LY9: variants seen among roughly 807,000 people sequenced by gnomAD.
LY9 encodes T-lymphocyte surface antigen Ly-9.
Under a neutral mutation model 64.6 loss-of-function variants are expected in LY9, and 59 were observed. The ratio of observed to expected loss-of-function variants is 0.91; its 90% confidence interval spans 0.74 to 1.13. The LOEUF is 1.13. LY9 is among the 50% of genes most tolerant of loss of function. LY9 has a pLI of 0.00. For missense variants in LY9, 789 were observed against 797.2 expected (o/e 0.99, Z 0.12); for synonymous variants, 281 against 308.5 (o/e 0.91, Z 0.93).
chr1:160,803,337 G>T (rs923194353), intron 2 of LY9, among the ~76,000 whole-genome samples: 1 of 152,012 alleles, frequency 6.6e-6, no homozygotes, highest in Non-Finnish European at 1.5e-5. Context: ...GAAGAATAAG[G>T]TTGGTATTTT....
intron 7 of LY9, 95 bp from the exon 8 acceptor site, chr1:160,823,370 T>G: frequency 2.3e-6 from 2 of 884,600 alleles, no homozygotes; most frequent in South Asian, 3.6e-5. Flanking sequence ...AGGCCTCATC[T>G]AATGCAGGCA....
At chr1:160,822,869 A>G (rs2779800) in intron 7 of LY9, among the ~76,000 whole-genome samples, 79,755 of 151,996 alleles carry the variant, frequency 0.52, 21,830 homozygotes, top group East Asian at 0.71. Context: ...TTTCGGAAAA[A>G]GAGACTGCTC....
At chr1:160,808,091 C>T (rs1667154686) in intron 2 of LY9, among the ~76,000 whole-genome samples, 1 of 152,150 alleles carries the variant, frequency 6.6e-6, no homozygotes, top group Non-Finnish European at 1.5e-5. Flanking sequence ...CTCTCAGCCT[C>T]AGTCCTAGGA....
At chr1:160,813,940 G>A in intron 3 of LY9, 29 bp downstream of exon 3, 1 of 1,598,808 alleles carries the variant, frequency 6.3e-7, no homozygotes, top group South Asian at 1.1e-5. Context: ...GCCCTTGAGG[G>A]AATTCCAGAA....
chr1:160,810,229 T>C (rs1397876938), intron 2 of LY9: 1 of 152,276 alleles, frequency 6.6e-6, no homozygotes, highest in Non-Finnish European at 1.5e-5. Context: ...TGTAACTCTC[T>C]ATTAATATTC....
intron 9 of LY9, among the ~76,000 whole-genome samples, chr1:160,827,005 C>A (rs2101845601): frequency 6.6e-6 from 1 of 152,298 alleles, no homozygotes; most frequent in Non-Finnish European, 1.5e-5. Context: ...CCCCTGAAAC[C>A]ACCTCACTTA....
chr1:160,804,919 CT>C (rs971027638), intron 2 of LY9, among the ~76,000 whole-genome samples: 2 of 151,924 alleles, frequency 1.3e-5, no homozygotes, highest in African/African-American at 2.4e-5. Context: ...GGATTTTGGT[CT>C]TTTGTATTCC....
intron 4 of LY9, 43 bp downstream of exon 4, chr1:160,814,804 G>A (rs753165546): frequency 2.6e-6 from 4 of 1,525,556 alleles, no homozygotes. Context: ...TTCCTTCTCT[G>A]AAAGCTTTCT....
intron 2 of LY9, among the ~76,000 whole-genome samples, chr1:160,807,932 T>C (rs1667134844): frequency 6.6e-6 from 1 of 152,028 alleles, no homozygotes; most frequent in Non-Finnish European, 1.5e-5. Context: ...AAACACCAGC[T>C]ATGGTATGTG....
chr1:160,813,854 C>T lies in LY9; in HGVS notation c.673C>T (p.Gln225Ter). The T allele has an allele frequency of 6.2e-7, 1 of 1,614,186 alleles. No individual in the cohort carries two copies. The highest frequency in any genetic ancestry group is 2.2e-5 in the East Asian group (1 of 44,886). ...DPDLPYICTA[Q>*]NPVSQRSSLP... is the part of the protein sequence containing the mutation. ...AGACCTGCCATACATCTGCACAGCC[C>T]AGAACCCCGTCAGCCAGAGAAGCTC... Residue 225 changes from glutamine (Q) to a stop codon, truncating the protein, a stop_gained, in exon 3 of 10, where the codon CAG becomes TAG. Transcript: ENST00000263285. LOFTEE classifies it high-confidence loss of function.
chr1:160,812,543 A>T (rs1667587515), intron 2 of LY9: 1 of 152,216 alleles, frequency 6.6e-6, no homozygotes, highest in Non-Finnish European at 1.5e-5. Context: ...TTGACAAATG[A>T]CGTACAATAA....
intron 4 of LY9, 86 bp downstream of exon 4, chr1:160,814,847 A>G (rs1022408744): frequency 2.7e-6 from 3 of 1,117,328 alleles, no homozygotes; most frequent in Non-Finnish European, 3.9e-6. Context: ...CCGCTTCTCC[A>G]AGGGTCTTCC....
At chr1:160,827,031 T>A (rs917653107) in intron 9 of LY9, among the ~76,000 whole-genome samples, 2 of 152,208 alleles carry the variant, frequency 1.3e-5, no homozygotes, top group Non-Finnish European at 2.9e-5. Flanking sequence ...TAAGTTGAAA[T>A]CATTGCATTT....
At chr1:160,821,519 T>C (rs1668448108) in intron 7 of LY9, among the ~76,000 whole-genome samples, 1 of 152,240 alleles carries the variant, frequency 6.6e-6, no homozygotes, top group South Asian at 2.1e-4. Flanking sequence ...TAACAGACAT[T>C]CTCATTCCTT....
At chr1:160,802,849 A>T (rs976222730) in intron 2 of LY9, 1 of 196,866 alleles carries the variant, frequency 5.1e-6, no homozygotes. Context: ...GTCTATTTTT[A>T]TAACACCATG....
intron 9 of LY9, among the ~76,000 whole-genome samples, chr1:160,826,596 T>C (rs1190284758): frequency 6.6e-6 from 1 of 152,224 alleles, no homozygotes; most frequent in African/African-American, 2.4e-5. Flanking sequence ...GCACAGTTCC[T>C]AAGGGTTTTT....
chr1:160,800,368 G>T, intron 2 of LY9: 1 of 320,706 alleles, frequency 3.1e-6, no homozygotes, highest in Non-Finnish European at 5.7e-6. Context: ...ACCCTTCTCA[G>T]TCTCTGCTAT....
At chr1:160,802,457 T>G in intron 2 of LY9, 1 of 986,052 alleles carries the variant, frequency 1.0e-6, no homozygotes, top group Non-Finnish European at 1.2e-6. Flanking sequence ...AGGCCCACAG[T>G]GCGGGGCTGC....
intron 8 of LY9, 34 bp downstream of exon 8, chr1:160,823,830 C>A: frequency 2.0e-6 from 3 of 1,510,536 alleles, no homozygotes; most frequent in South Asian, 1.2e-5. Context: ...CTTCCTCCTC[C>A]TCCCATGTCT....
Sources: gnomAD v4.1 joint callset for allele counts (sites outside exome capture counted in the v4.1 genomes callset) on GRCh38, gnomAD v4.1.1 for gene constraint, MANE v1.5 for transcripts, NCBI Gene and HGNC (gene_info 2026-07-23, HGNC 2026-07-21) for gene names.